Variants in TEX2 observed in about 807,000 individuals in gnomAD.
TEX2 encodes testis expressed 2.
In TEX2, 53 loss-of-function variants were observed where a neutral mutation model predicts 106.9. That is an observed-to-expected ratio of 0.50 (90% CI 0.40 to 0.62). TEX2 has a LOEUF of 0.62. Ranked by LOEUF, TEX2 falls within the 20% of genes least tolerant of loss-of-function variation. TEX2 has a pLI of 0.00. For missense variants in TEX2, 1,207 were observed against 1,379.0 expected (o/e 0.88, Z 1.98); for synonymous variants, 523 against 534.8 (o/e 0.98, Z 0.30).
intron 2 of TEX2, among the ~76,000 whole-genome samples, chr17:64,200,204 T>C (rs1555629933): frequency 6.6e-6 from 1 of 152,232 alleles, no homozygotes; most frequent in Non-Finnish European, 1.5e-5. Context: ...CTTATTCTTT[T>C]GATTTTTAGA....
intron 3 of TEX2, 88 bp downstream of exon 3, chr17:64,194,807 T>C (rs867543496): frequency 2.3e-6 from 3 of 1,305,798 alleles, no homozygotes; most frequent in South Asian, 1.2e-5. Flanking sequence ...CAAACCTTTT[T>C]AGGGTATAAA....
intron 5 of TEX2, among the ~76,000 whole-genome samples, chr17:64,180,220 G>A (rs1485843601): frequency 6.6e-6 from 1 of 152,202 alleles, no homozygotes; most frequent in Non-Finnish European, 1.5e-5. Flanking sequence ...TTATACAAGA[G>A]AATAAGTTAC....
chr17:64,228,892 G>A (rs537891951), intron 1 of TEX2, among the ~76,000 whole-genome samples: 1 of 149,690 alleles, frequency 6.7e-6, no homozygotes, highest in East Asian at 2.0e-4. Flanking sequence ...CTATTTCTTG[G>A]ACCACCTCCT....
intron 1 of TEX2, among the ~76,000 whole-genome samples, chr17:64,220,803 A>G (rs1309773489): frequency 6.6e-6 from 1 of 152,190 alleles, no homozygotes; most frequent in African/African-American, 2.4e-5. Flanking sequence ...CAATTCCTCA[A>G]AGACCTAGAA....
At chr17:64,201,732 C>G (rs1226397024) in intron 2 of TEX2, among the ~76,000 whole-genome samples, 1 of 152,184 alleles carries the variant, frequency 6.6e-6, no homozygotes, top group Non-Finnish European at 1.5e-5. Flanking sequence ...CCCTCCTCAC[C>G]TAGGCTCAGT....
At chr17:64,159,755 T>C (rs908896598) in intron 8 of TEX2, among the ~76,000 whole-genome samples, 4 of 151,800 alleles carry the variant, frequency 2.6e-5, no homozygotes, top group African/African-American at 9.7e-5. Context: ...AATAGAAAAA[T>C]GAAAGGAAAA....
chr17:64,164,763 T>C (rs112112249), intron 7 of TEX2, among the ~76,000 whole-genome samples: 14 of 152,202 alleles, frequency 9.2e-5, no homozygotes, highest in African/African-American at 3.1e-4. Context: ...ATGATGCCAG[T>C]TGGTATCATA....
At chr17:64,169,652 T>C (rs2031304050) in intron 7 of TEX2, among the ~76,000 whole-genome samples, 1 of 152,176 alleles carries the variant, frequency 6.6e-6, no homozygotes, top group African/African-American at 2.4e-5. Context: ...CTAACTATAG[T>C]GCTAGAAAAA....
chr17:64,213,309 C>G lies in TEX2; in HGVS notation c.909G>C (p.Gln303His). 1 of 1,614,080 alleles carries G rather than the reference C, an allele frequency of 6.2e-7. No homozygotes were observed. Among genetic ancestry groups the G allele is most frequent in the Non-Finnish European group, 8.5e-7 (1 of 1,180,044 alleles). ...CTTCCCCTATAATTTTACTAAGGAG[C>G]TGAAAAGGCTCATAGATGACTTCTG... ...RLSEVIYEPFQLLSKIIGEES... is the reference protein window; with the variant it reads ...RLSEVIYEPFHLLSKIIGEES... The change falls in exon 2 of 12, where the codon CAG becomes CAC. Residue 303 changes from glutamine (Q) to histidine (H), a missense_variant. Physicochemically the swap from Gln to His is conservative, Grantham distance 24. Coordinates refer to ENST00000584379, the MANE Select transcript of TEX2 (RefSeq NM_001288732.2). This position sits in a 1 kb window ranked among gnomAD's most constrained non-coding sequence, Gnocchi z 4.4.
chr17:64,239,996 T>C (rs1416037040), intron 1 of TEX2, among the ~76,000 whole-genome samples: 1 of 150,064 alleles, frequency 6.7e-6, no homozygotes, highest in Non-Finnish European at 1.5e-5. Context: ...AAATAAGGAC[T>C]CTAGGTGTGC....
intron 1 of TEX2, among the ~76,000 whole-genome samples, chr17:64,240,233 A>ATGTGTGTGTGTGTGTGTG (rs67965706): frequency 5.4e-4 from 79 of 147,414 alleles, no homozygotes; most frequent in African/African-American, 1.9e-3. Context: ...GTATATGCAG[A>ATGTGTGTGTGTGTGTGTG]TGTGTGTGTG....
chr17:64,187,800 C>A (rs552177014), intron 5 of TEX2, among the ~76,000 whole-genome samples: 1 of 152,162 alleles, frequency 6.6e-6, no homozygotes, highest in African/African-American at 2.4e-5. Flanking sequence ...CCCCCGTGAC[C>A]AACAGGTCTG....
intron 2 of TEX2, among the ~76,000 whole-genome samples, chr17:64,207,704 T>C (rs564517580): frequency 1.3e-5 from 2 of 152,040 alleles, no homozygotes; most frequent in African/African-American, 4.8e-5. Flanking sequence ...ACTGCCCACT[T>C]CTCCAATCCT....
chr17:64,205,511 A>C lies in TEX2; in HGVS notation c.1644+7063T>G, dbSNP rs1555630641. On this transcript the variant is annotated intron_variant, in intron 2 of 11. Coordinates refer to ENST00000584379, the MANE Select transcript of TEX2 (RefSeq NM_001288732.2). This position sits in a 1 kb window ranked among gnomAD's most constrained non-coding sequence, Gnocchi z 4.0. ...TTACTCTAAGTTATAAGAGACCAAC[A>C]AAAAGCAATCCAAGTCTCTTTGGGC... Among the ~76,000 whole-genome samples, 1 of 152,184 alleles carries C rather than the reference A, an allele frequency of 6.6e-6. No individual in the cohort carries two copies. The highest frequency in any genetic ancestry group is 1.5e-5 in the Non-Finnish European group (1 of 68,030).
chr17:64,187,621 T>C (rs1761386340), intron 5 of TEX2, among the ~76,000 whole-genome samples: 1 of 152,092 alleles, frequency 6.6e-6, no homozygotes, highest in African/African-American at 2.4e-5. Context: ...TCCCATGGCC[T>C]CCCATCCTGA....
chr17:64,181,114 A>T (rs1460182623), intron 5 of TEX2, among the ~76,000 whole-genome samples: 25 of 152,154 alleles, frequency 1.6e-4, no homozygotes, highest in African/African-American at 6.0e-4. Context: ...ATTATTTAAA[A>T]CAGTTTTACT....
In TEX2 at chr17:64,171,097, T is replaced by C; in HGVS notation, c.2671+3A>G. The C allele has an allele frequency of 6.2e-7, 1 of 1,612,830 alleles. No individual in the cohort carries two copies. The highest frequency in any genetic ancestry group is 8.5e-7 in the Non-Finnish European group (1 of 1,178,804). ...ACTCATAGAATGGTCAGTTAGGAGT[T>C]ACCTTGGTGATCAACGTAAGGCTTG... is the stretch of plus-strand genomic sequence containing the variant. On this transcript the variant is annotated splice_donor_region_variant and intron_variant, in intron 7 of 11. Coordinates refer to ENST00000584379, the MANE Select transcript of TEX2 (RefSeq NM_001288732.2).
intron 7 of TEX2, among the ~76,000 whole-genome samples, chr17:64,168,860 G>A (rs2031261153): frequency 6.8e-6 from 1 of 147,998 alleles, no homozygotes; most frequent in South Asian, 2.1e-4. Context: ...CACTGATGGA[G>A]TGAAGATGCT....
rs1187958466 is a variant in TEX2 at position 64,194,888 on chromosome 17, G to A, written c.1845+7C>T. Reference sequence around the variant, plus strand: ...TAAGCTATCCTTCCAAAATTGCTCAGGCTCACCTTGCTGTCTGAGAGGTCA... The same window carrying A: ...TAAGCTATCCTTCCAAAATTGCTCAAGCTCACCTTGCTGTCTGAGAGGTCA... On this transcript the variant is annotated splice_region_variant and intron_variant, in intron 3 of 11. Coordinates refer to ENST00000584379, the MANE Select transcript of TEX2 (RefSeq NM_001288732.2). 1.9e-6 allele frequency: 3 copies of A among 1,613,896 alleles called. No individual in the cohort carries two copies. The highest frequency in any genetic ancestry group is 2.5e-6 in the Non-Finnish European group (3 of 1,179,934).
Sources: allele counts gnomAD v4.1 joint callset (sites outside exome capture counted in the v4.1 genomes callset), GRCh38; gene constraint gnomAD v4.1.1; non-coding constraint Gnocchi (gnomAD v3.1); transcripts MANE v1.5; gene names NCBI Gene and HGNC (gene_info 2026-07-23, HGNC 2026-07-21).